PCNX3: variants seen among roughly 807,000 people sequenced by gnomAD.
PCNX3 encodes the protein pecanex-like protein 3.
A neutral mutation model predicts 207.2 loss-of-function variants in PCNX3; 58 were observed. The observed-to-expected ratio is 0.28, with a 90% CI of 0.23 to 0.35. The LOEUF is 0.35. Among genes scored for constraint, PCNX3 ranks in the 10% least tolerant of loss-of-function variants. PCNX3 has a pLI of 1.00. For missense variants in PCNX3, 2,410 were observed against 2,774.4 expected (o/e 0.87, Z 2.95); for synonymous variants, 1,337 against 1,183.5 (o/e 1.13, Z -2.66).
Position 65,627,019 on chromosome 11 carries a change from C to T in PCNX3, c.3495C>T (p.Val1165=), listed in dbSNP as rs781459735. 40 of 1,533,060 alleles carry T rather than the reference C, an allele frequency of 2.6e-5. No homozygotes were observed. The highest frequency in any genetic ancestry group is 8.5e-5 in the Admixed American group (4 of 47,022). The allele number at this position is 1,533,060 out of a possible 1,614,324, so 95.0% of individuals were successfully genotyped here. The change falls in exon 21 of 35, where the codon GTC becomes GTT. Residue 1165 remains valine (V), a synonymous_variant. Coordinates refer to ENST00000355703, the MANE Select transcript of PCNX3 (RefSeq NM_032223.4). Reference sequence around the variant, plus strand: ...CCCTCACGGTGGACGCCCACACAGTCGTCAGCCACCCGGACAAGTACTGCT... The same window carrying T: ...CCCTCACGGTGGACGCCCACACAGTTGTCAGCCACCCGGACAAGTACTGCT... The part of the protein sequence containing the change: ...LNALTVDAHT[V]VSHPDKYCFY...
In PCNX3 at chr11:65,618,435, C is replaced by T. The variant is rs371461184; in HGVS notation, c.1073C>T (p.Thr358Met). 11 of 1,611,590 alleles carry T rather than the reference C, an allele frequency of 6.8e-6. No individual in the cohort carries two copies. The highest frequency in any genetic ancestry group is 5.3e-5 in the African/African-American group (4 of 74,888). The change falls in exon 6 of 35, where the codon ACG becomes ATG. Residue 358 changes from threonine to methionine, a missense_variant. By Grantham distance (81) the Thr-to-Met change is moderately conservative. This residue lies in a region of PCNX3 where 1,104 missense variants were observed against 970.3 expected (regional missense o/e 1.14). Transcript: ENST00000355703. ...GACGCCGGGGTCCCCTCAGATGACACGCTGCGTTCCTTTGACACGGTCATT... is the reference window on the plus strand; with the variant it reads ...GACGCCGGGGTCCCCTCAGATGACATGCTGCGTTCCTTTGACACGGTCATT... ...SPDAGVPSDDTLRSFDTVIGA... is the reference protein window; with the variant it reads ...SPDAGVPSDDMLRSFDTVIGA...
At position 65,636,432 on chromosome 11, in the gene PCNX3, C is replaced by T; in HGVS notation, c.5635C>T (p.Pro1879Ser). Residue 1879 changes from proline (P) to serine (S), a missense_variant, in exon 34 of 35, where the codon CCG becomes TCG. Pro to Ser is a moderately conservative substitution (Grantham distance 74). This residue lies in a region of PCNX3 where 278 missense variants were observed against 245.1 expected (regional missense o/e 1.13). Coordinates refer to ENST00000355703, the MANE Select transcript of PCNX3 (RefSeq NM_032223.4). Reference protein sequence around the residue: ...QPLPPGPGWGPRSSLSGSGDG... With the variant: ...QPLPPGPGWGSRSSLSGSGDG... ...CCTCCCACCAGGCCCTGGCTGGGGG[C>T]CGCGGTCCTCCCTGAGTGGCTCTGG... The T allele has an allele frequency of 1.3e-6, 2 of 1,554,398 alleles. No individual in the cohort carries two copies. The highest frequency in any genetic ancestry group is 2.3e-5 in the East Asian group (1 of 44,404).
At chr11:65,634,388 G>C in intron 28 of PCNX3, 32 bp downstream of exon 28, 2 of 1,546,288 alleles carry the variant, frequency 1.3e-6, no homozygotes, top group Non-Finnish European at 1.7e-6. Flanking sequence ...CTGCCACCTG[G>C]GGCTGTGGGA....
intron 29 of PCNX3, 41 bp downstream of exon 29, chr11:65,634,682 A>AC (rs1438458129): frequency 6.7e-7 from 1 of 1,496,270 alleles, no homozygotes; most frequent in Non-Finnish European, 9.0e-7. Context: ...TGCCGTCCCC[A>AC]CCCCACCTCT....
Position 65,623,479 on chromosome 11 carries a change from C to A in PCNX3, c.2358-12C>A. The A allele has an allele frequency of 6.3e-7, 1 of 1,590,700 alleles. No individual in the cohort carries two copies. The highest frequency in any genetic ancestry group is 1.1e-5 in the South Asian group (1 of 87,726). On this transcript the variant is annotated splice_polypyrimidine_tract_variant and intron_variant, in intron 11 of 34. Transcript: ENST00000355703. ...GCAAGACGGGCACGCCCTGACTAGG[C>A]TGTCCCTGCAGGACGCGGGGAGTGC...
Position 65,625,565 on chromosome 11 carries a change from C to G in PCNX3, c.3135+55C>G. On this transcript the variant is annotated intron_variant, in intron 18 of 34. Transcript: ENST00000355703. This position sits in a 1 kb window ranked among gnomAD's most constrained non-coding sequence, Gnocchi z 5.6. The stretch of plus-strand genomic sequence containing the variant: ...GGAGGTGGTGACAGGTCCTGGGGTT[C>G]CTGGGAGGGGCATGTCCAGCTTGGG... 1.3e-6 allele frequency: 2 copies of G among 1,573,760 alleles called. No individual in the cohort carries two copies. The highest frequency in any genetic ancestry group is 2.3e-5 in the East Asian group (1 of 43,538).
chr11:65,630,950 C>T (rs990580565), intron 27 of PCNX3, among the ~76,000 whole-genome samples: 3 of 152,240 alleles, frequency 2.0e-5, no homozygotes, highest in East Asian at 1.9e-4. Context: ...GTCACGTTAA[C>T]GATCATCATG....
chr11:65,636,388 C>T lies in PCNX3; in HGVS notation c.5594-3C>T. On this transcript the variant is annotated splice_polypyrimidine_tract_variant and splice_region_variant and intron_variant, in intron 33 of 34. Transcript: ENST00000355703. ...CCTCTGCTGTCTTATCTGTCTCCTA[C>T]AGGCAATGGTGACCAACCCCTCCCA... 4 of 1,566,180 alleles carry T rather than the reference C, an allele frequency of 2.6e-6. No individual in the cohort carries two copies. The highest frequency in any genetic ancestry group is 4.5e-5 in the East Asian group (2 of 44,450).
chr11:65,627,369 C>T, intron 21 of PCNX3, 36 bp from the exon 22 acceptor site: 2 of 1,595,588 alleles, frequency 1.3e-6, no homozygotes, highest in South Asian at 1.1e-5. Context: ...GCCCCGGTCC[C>T]CTACCAAGCA....
In PCNX3 at chr11:65,625,031, C is replaced by T. The variant is rs779894433; in HGVS notation, c.2919+15C>T. 5.6e-6 allele frequency: 9 copies of T among 1,608,088 alleles called. No homozygotes were observed. The highest frequency in any genetic ancestry group is 5.0e-5 in the Admixed American group (3 of 59,600). ...GGGCCATCAAGGTAGGGGTGGCTTG[C>T]GAGGTGGGGGCATGCTGCAGTGCGT... On this transcript the variant is annotated intron_variant, in intron 16 of 34. Transcript: ENST00000355703. This position sits in a 1 kb window ranked among gnomAD's most constrained non-coding sequence, Gnocchi z 5.6.
chr11:65,628,166 G>A (rs535647323), intron 22 of PCNX3, among the ~76,000 whole-genome samples: 5 of 152,312 alleles, frequency 3.3e-5, no homozygotes, highest in African/African-American at 1.2e-4. Context: ...GCCCAGGATG[G>A]CGGTCATCCA....
intron 14 of PCNX3, 26 bp downstream of exon 14, chr11:65,624,392 G>T: frequency 6.4e-7 from 1 of 1,551,754 alleles, no homozygotes; most frequent in Non-Finnish European, 8.7e-7. Flanking sequence ...GGATGAGGTG[G>T]CCCAGGAGAG....
intron 26 of PCNX3, 133 bp downstream of exon 26, chr11:65,629,868 C>T (rs1590897259): frequency 4.2e-6 from 4 of 961,380 alleles, no homozygotes; most frequent in Admixed American, 2.1e-5. Context: ...GCAAGGCACT[C>T]CTCCTCCCTG....
At chr11:65,626,481 T>C (rs1056873864) in intron 20 of PCNX3, 3 of 391,450 alleles carry the variant, frequency 7.7e-6, no homozygotes, top group East Asian at 6.3e-5. Flanking sequence ...TGAAGATCCA[T>C]GTTTCTTGAG....
At chr11:65,629,485 A>G in intron 25 of PCNX3, 35 bp from the exon 26 acceptor site, 3 of 1,612,242 alleles carry the variant, frequency 1.9e-6, no homozygotes, top group Non-Finnish European at 2.5e-6. Flanking sequence ...CTAACTTGTC[A>G]CTTTGTCCAT....
chr11:65,631,884 C>T (rs372724547), intron 27 of PCNX3, among the ~76,000 whole-genome samples: 30 of 152,246 alleles, frequency 2.0e-4, no homozygotes, highest in East Asian at 1.5e-3. Context: ...CAAAGGAAAT[C>T]CTGTCCACAC....
In PCNX3 at chr11:65,619,913, C is replaced by T. The variant is rs776311265; in HGVS notation, c.1989C>T (p.His663=). 1.0e-5 allele frequency: 16 copies of T among 1,607,524 alleles called. No individual in the cohort carries two copies. Among genetic ancestry groups the T allele is most frequent in the Non-Finnish European group, 8.5e-6 (10 of 1,176,590 alleles). ...TFDDTSEGAV[H]YFYDESGVRR... is the part of the protein sequence containing the mutation. The stretch of plus-strand genomic sequence containing the variant: ...ATGACACTTCTGAGGGTGCTGTGCA[C>T]TATTTCTACGATGAGAGCGGTGAGC... Residue 663 remains histidine, a synonymous_variant, in exon 8 of 35, where the codon CAC becomes CAT. Coordinates refer to ENST00000355703, the MANE Select transcript of PCNX3 (RefSeq NM_032223.4).
In PCNX3 at chr11:65,636,649, C is replaced by T. The variant is rs745376680; in HGVS notation, c.5852C>T (p.Pro1951Leu). ...GGGCTGGGAGGATCTGACGGGGAGCCAGCCTCAGGGAGCCCCAAAGGAGGT... is the reference window on the plus strand; with the variant it reads ...GGGCTGGGAGGATCTGACGGGGAGCTAGCCTCAGGGAGCCCCAAAGGAGGT... ...RKGLGGSDGEPASGSPKGGTP... is the reference protein window; with the variant it reads ...RKGLGGSDGELASGSPKGGTP... The change falls in exon 34 of 35, where the codon CCA (proline) becomes CTA (leucine). Residue 1951 changes from proline (P) to leucine (L), a missense_variant. Physicochemically the swap from Pro to Leu is moderately conservative, Grantham distance 98. Coordinates refer to ENST00000355703, the MANE Select transcript of PCNX3 (RefSeq NM_032223.4). 1.3e-6 allele frequency: 2 copies of T among 1,585,096 alleles called. No individual in the cohort carries two copies. Among genetic ancestry groups the T allele is most frequent in the South Asian group, 2.3e-5 (2 of 87,348 alleles).
chr11:65,625,395 T>G lies in PCNX3; in HGVS notation c.3030-10T>G, dbSNP rs1855332202. On this transcript the variant is annotated splice_polypyrimidine_tract_variant and intron_variant, in intron 17 of 34. Coordinates refer to ENST00000355703, the MANE Select transcript of PCNX3 (RefSeq NM_032223.4). This position sits in a 1 kb window ranked among gnomAD's most constrained non-coding sequence, Gnocchi z 5.6. ...GGGGCGGCCTCCTCCTGACTCTTCC[T>G]CACCCCCAGGTCTCTGATCCGGAGC... The G allele has an allele frequency of 6.2e-7, 1 of 1,601,276 alleles. No homozygotes were observed. Among genetic ancestry groups the G allele is most frequent in the Admixed American group, 1.7e-5 (1 of 59,914 alleles).
Sources: gnomAD v4.1 joint callset for allele counts (sites outside exome capture counted in the v4.1 genomes callset) on GRCh38, gnomAD v4.1.1 for gene constraint, gnomAD v4.1.1 regional missense constraint, Gnocchi (gnomAD v3.1) non-coding constraint, MANE v1.5 for transcripts, NCBI Gene and HGNC (gene_info 2026-07-23, HGNC 2026-07-21) for gene names.